PMS2: variants seen among roughly 807,000 people sequenced by gnomAD.
PMS2 encodes the protein PMS1 homolog 2, mismatch repair system component, also known as mismatch repair endonuclease PMS2.
PMS2 carries 69 observed loss-of-function variants against 90.0 expected under a neutral mutation model. The ratio of observed to expected loss-of-function variants is 0.77; its 90% CI spans 0.63 to 0.94. PMS2 has a LOEUF of 0.94. Ranked by LOEUF, PMS2 falls within the 40% of genes least tolerant of loss-of-function variation. The pLI, the probability that PMS2 is intolerant of heterozygous loss-of-function variation, is 0.00. For synonymous variants in PMS2, 332 were observed against 375.1 expected, an observed-to-expected ratio of 0.89 and a Z score of 1.33; for missense variants, 966 against 1,040.2, an observed-to-expected ratio of 0.93 and a Z score of 0.98.
chr7:5,987,491 G>A lies in PMS2; in HGVS notation c.1274C>T (p.Ser425Phe), dbSNP rs1783150023. The change falls in exon 11 of 15, where the codon TCT (serine) becomes TTT (phenylalanine). Residue 425 changes from serine (S) to phenylalanine (F), a missense_variant. Ser to Phe is a radical substitution (Grantham distance 155, BLOSUM62 -2). Coordinates refer to ENST00000265849, the MANE Select transcript of PMS2 (RefSeq NM_000535.7). ...VSISRLREAF[S>F]LRHTTENKPH... ...CTTGTTCTCTGTTGTGTGACGAAGA[G>A]AAAAGGCCTCTCGCAGTCTGGAAAT... is the stretch of plus-strand genomic sequence containing the variant. The A allele has an allele frequency of 6.2e-7, 1 of 1,614,172 alleles. No homozygotes were observed.
Position 6,003,665 on chromosome 7 carries a change from T to C in PMS2, c.353+25A>G, listed in dbSNP as rs1330324735. Reference sequence around the variant, plus strand: ...AGAGAGGTTTCTCTAAGGGGTCAAGTGAGTGGATAAAAATATTGTATCACC... The same window carrying C: ...AGAGAGGTTTCTCTAAGGGGTCAAGCGAGTGGATAAAAATATTGTATCACC... On this transcript the variant is annotated intron_variant, in intron 4 of 14. Coordinates refer to ENST00000265849, the MANE Select transcript of PMS2 (RefSeq NM_000535.7). 3 of 1,237,776 alleles carry C rather than the reference T, an allele frequency of 2.4e-6. No individual in the cohort carries two copies. In the East Asian group the frequency reaches 7.0e-5, roughly 29 times the overall value. The allele number at this position is 1,237,776 out of a possible 1,614,324, so 76.7% of individuals were successfully genotyped here.
chr7:5,993,436 G>C (rs1055046172), intron 8 of PMS2, among the ~76,000 whole-genome samples: 22 of 149,986 alleles, frequency 1.5e-4, no homozygotes, highest in African/African-American at 4.9e-4. Context: ...ACAATGTGTT[G>C]CTAAGATACA....
chr7:5,988,297 T>G (rs556279569), intron 10 of PMS2, among the ~76,000 whole-genome samples: 1 of 152,056 alleles, frequency 6.6e-6, no homozygotes, highest in African/African-American at 2.4e-5. Context: ...AAGTGCCTAT[T>G]GGCCGGCACA....
Position 5,986,905 on chromosome 7 carries a change from A to G in PMS2, c.1860T>C (p.Phe620=), listed in dbSNP as rs1583314594. Residue 620 remains phenylalanine (F), a synonymous_variant, in exon 11 of 15, where the codon TTT becomes TTC. Transcript: ENST00000265849. ...KINKKVVPLD[F]SMSSLAKRIK... is the part of the protein sequence containing the mutation. ...TTCGTTTAGCTAAAGAACTCATAGA[A>G]AAGTCCAGGGGCACAACTTTCTTAT... 4 of 1,614,178 alleles carry G rather than the reference A, an allele frequency of 2.5e-6. No homozygotes were observed. The highest frequency in any genetic ancestry group is 3.4e-6 in the Non-Finnish European group (4 of 1,180,034).
rs1210294498 is a variant in PMS2, at chr7:5,999,174, A to C, written c.639T>G (p.Pro213=). ...TNQLGQGKRQ[P]VVCTGGSPSI... is the part of the protein sequence containing the mutation. ...TGGGGCTTCCACCTGTGCATACCAC[A>C]GGCTGTCGTTTTCCTTGTCCAAGCT... Residue 213 remains proline (P), a synonymous_variant, in exon 6 of 15, where the codon CCT becomes CCG. Coordinates refer to ENST00000265849, the MANE Select transcript of PMS2 (RefSeq NM_000535.7). 1 of 1,614,006 alleles carries C rather than the reference A, an allele frequency of 6.2e-7. No homozygotes were observed. Among genetic ancestry groups the C allele is most frequent in the African/African-American group, 1.3e-5 (1 of 74,922 alleles).
chr7:6,004,850 C>A (rs767377808), intron 2 of PMS2, among the ~76,000 whole-genome samples: 1 of 152,062 alleles, frequency 6.6e-6, no homozygotes, highest in Admixed American at 6.6e-5. Context: ...ATAATAAGTT[C>A]TATCTCATAA....
intron 8 of PMS2, among the ~76,000 whole-genome samples, chr7:5,993,725 G>C (rs1274153905): frequency 2.0e-5 from 3 of 151,450 alleles, no homozygotes; most frequent in Non-Finnish European, 2.9e-5. Flanking sequence ...GCCGGGTGTG[G>C]TGATGCGTGC....
chr7:6,000,297 C>A (rs1371203929), intron 5 of PMS2, among the ~76,000 whole-genome samples: 2 of 151,166 alleles, frequency 1.3e-5, no homozygotes, highest in Non-Finnish European at 2.9e-5. Context: ...TTCATTGAGC[C>A]TGGGAGATCA....
At chr7:5,989,004 C>T (rs1419171863) in intron 10 of PMS2, among the ~76,000 whole-genome samples, 3 of 151,944 alleles carry the variant, frequency 2.0e-5, no homozygotes, top group Admixed American at 6.6e-5. Context: ...TACAGGCGCC[C>T]GCCACCACGC....
intron 11 of PMS2, among the ~76,000 whole-genome samples, chr7:5,984,891 G>A (rs1006727897): frequency 2.0e-5 from 3 of 151,818 alleles, no homozygotes; most frequent in African/African-American, 7.3e-5. Context: ...AACCACAGGG[G>A]ACAGTTTGGT....
In PMS2 at chr7:5,987,392, G is replaced by A. The variant is rs755348833; in HGVS notation, c.1373C>T (p.Thr458Ile). 6.2e-7 allele frequency: 1 copy of A among 1,614,226 alleles called. No individual in the cohort carries two copies. The highest frequency in any genetic ancestry group is 8.5e-7 in the Non-Finnish European group (1 of 1,180,032). Residue 458 changes from threonine (T) to isoleucine (I), a missense_variant, in exon 11 of 15, where the codon ACT becomes ATT. By Grantham distance (89) the Thr-to-Ile change is moderately conservative. Coordinates refer to ENST00000265849, the MANE Select transcript of PMS2 (RefSeq NM_000535.7). ...GQKRGMLSSS[T>I]SGAISDKGVL... ...GCCTTTGTCAGAGATGGCACCTGAA[G>A]TGCTAGAAGACAGCATACCCCTTTT... is the stretch of plus-strand genomic sequence containing the variant.
intron 5 of PMS2, among the ~76,000 whole-genome samples, chr7:6,001,439 C>T (rs1415004423): frequency 3.4e-5 from 5 of 147,014 alleles, no homozygotes; most frequent in African/African-American, 7.6e-5. Context: ...AGCTTGATCT[C>T]GGCTCACCGC....
Position 6,002,589 on chromosome 7 carries a change from C to T in PMS2, c.401G>A (p.Arg134Gln), listed in dbSNP as rs771300829. 1.4e-5 allele frequency: 23 copies of T among 1,611,782 alleles called. No individual in the cohort carries two copies. Among genetic ancestry groups the T allele is most frequent in the South Asian group, 1.3e-4 (12 of 90,976 alleles). Residue 134 changes from arginine (R) to glutamine (Q), a missense_variant, in exon 5 of 15, where the codon CGA (arginine) becomes CAA (glutamine). By Grantham distance (43) the Arg-to-Gln change is conservative. This residue lies in a region of PMS2 where 871 missense variants were observed against 802.4 expected (regional missense o/e 1.09). Transcript: ENST00000265849. ...TTTCCCATTGTGATCAAACATCAGT[C>T]GAGTTCCAACCTTCGCCGATGCGTG... Reference protein sequence around the residue: ...TCHASAKVGTRLMFDHNGKII... With the variant: ...TCHASAKVGTQLMFDHNGKII...
rs1395998044 is a variant in PMS2 at position 6,003,754 on chromosome 7, C to T, written c.289G>A (p.Asp97Asn). The T allele has an allele frequency of 3.1e-6, 5 of 1,603,498 alleles. No individual in the cohort carries two copies. The highest frequency in any genetic ancestry group is 1.3e-5 in the African/African-American group (1 of 74,874). Reference sequence around the variant, plus strand: ...CCAAAAGTTTCAACCTGAGTTAGGTCGGCAAACTCTTGAATCTTAGATGTG... The same window carrying T: ...CCAAAAGTTTCAACCTGAGTTAGGTTGGCAAACTCTTGAATCTTAGATGTG... ...HHTSKIQEFA[D>N]LTQVETFGFR... The change falls in exon 4 of 15, where the codon GAC (aspartate) becomes AAC (asparagine). Residue 97 changes from aspartate to asparagine, a missense_variant. Asp to Asn is a conservative substitution (Grantham distance 23). Around this residue, in one of 2 missense-constraint regions of PMS2, gnomAD observed 871 missense variants for 802.4 expected, o/e 1.09. Coordinates refer to ENST00000265849, the MANE Select transcript of PMS2 (RefSeq NM_000535.7).
At chr7:6,005,767 C>T (rs879218409) in intron 2 of PMS2, 125 bp downstream of exon 2, 2 of 1,484,336 alleles carry the variant, frequency 1.3e-6, no homozygotes, top group Non-Finnish European at 1.9e-6. Flanking sequence ...GTGCTAACTT[C>T]AACTTAAAAA....
In PMS2 at chr7:5,990,033, C is replaced by T. The variant is rs368044966; in HGVS notation, c.989-78G>A. On this transcript the variant is annotated intron_variant, in intron 9 of 14. Coordinates refer to ENST00000265849, the MANE Select transcript of PMS2 (RefSeq NM_000535.7). ...TTTATTAATTATTATTTTCAGACAG[C>T]GTCTCACTCTGTCGCCTAGGCTGGA... is the stretch of plus-strand genomic sequence containing the variant. The T allele has an allele frequency of 1.5e-4, 149 of 993,784 alleles. 1 individual carries two copies. In the East Asian group the frequency reaches 3.0e-3, roughly 20 times the overall value. The allele number at this position is 993,784 out of a possible 1,614,324, so 61.6% of individuals were successfully genotyped here. A position where few individuals can be genotyped will look rare whatever the true frequency, so the allele number is the denominator to read the frequency against.
chr7:5,994,472 T>A (rs1480029902), intron 8 of PMS2, among the ~76,000 whole-genome samples: 1 of 151,410 alleles, frequency 6.6e-6, no homozygotes, highest in Non-Finnish European at 1.5e-5. Flanking sequence ...GATAAACCCA[T>A]AAGTTAAAAA....
chr7:5,984,831 G>A lies in PMS2; in HGVS notation c.2007-1840C>T, dbSNP rs2128712768. 2.0e-5 allele frequency among the ~76,000 whole-genome samples: 3 copies of A among 151,512 alleles called. No individual in the cohort carries two copies. In the East Asian group the frequency reaches 5.8e-4, roughly 29 times the overall value. ...GATATTGTTGTTTCTTTCTATAAGT[G>A]CTCCAGGAAGACCCGGTCCCATGCC... is the stretch of plus-strand genomic sequence containing the variant. On this transcript the variant is annotated intron_variant, in intron 11 of 14. Transcript: ENST00000265849.
intron 13 of PMS2, 88 bp from the exon 14 acceptor site, chr7:5,977,845 C>T (rs113594486): frequency 1.1e-5 from 17 of 1,551,830 alleles, no homozygotes; most frequent in African/African-American, 8.2e-5. Context: ...TGAGGCCGGG[C>T]GTGGTGGCTC....
Sources: allele counts gnomAD v4.1 joint callset (sites outside exome capture counted in the v4.1 genomes callset), GRCh38; gene constraint gnomAD v4.1.1; regional missense constraint gnomAD v4.1.1; transcripts MANE v1.5; gene names NCBI Gene and HGNC (gene_info 2026-07-23, HGNC 2026-07-21).